The following GAS7 variants were observed in gnomAD, a reference collection of about 807,000 sequenced individuals.
The protein encoded by GAS7 is growth arrest specific 7, also known as growth arrest-specific protein 7.
GAS7 carries 28 observed loss-of-function variants against 71.1 expected under a neutral mutation model. The ratio of observed to expected loss-of-function variants is 0.39; its 90% CI spans 0.29 to 0.54. The LOEUF is 0.54. Ranked by LOEUF, GAS7 falls within the 20% of genes least tolerant of loss-of-function variation. The probability of loss-of-function intolerance (pLI) is 0.62; values close to 1 mark genes in which losing one functional copy is unlikely to be tolerated. For missense variants in GAS7, 436 were observed against 627.8 expected (o/e 0.69, Z 3.27); for synonymous variants, 258 against 245.8 (o/e 1.05, Z -0.46).
At chr17:10,039,697 A>AAATG in intron 1 of GAS7, 1 of 454,130 alleles carries the variant, frequency 2.2e-6, no homozygotes, top group South Asian at 1.6e-5. Context: ...ATAAATAAAT[A>AAATG]AATAAAGACG....
In GAS7 at chr17:9,969,903, G is replaced by C. The variant is rs2069888967; in HGVS notation, c.386-141C>G. 2 of 615,252 alleles carry C rather than the reference G, an allele frequency of 3.3e-6. No homozygotes were observed. The highest frequency in any genetic ancestry group is 3.7e-5 in the African/African-American group (2 of 54,488). The allele number at this position is 615,252 out of a possible 1,614,324, so 38.1% of individuals were successfully genotyped here. Reference sequence around the variant, plus strand: ...TGGCGAAGACCATCCCTCAGGATCTGATCTTATCTGTATCTGCAGAGCTGG... The same window carrying C: ...TGGCGAAGACCATCCCTCAGGATCTCATCTTATCTGTATCTGCAGAGCTGG... On this transcript the variant is annotated intron_variant, in intron 3 of 13. Coordinates refer to ENST00000432992, the MANE Select transcript of GAS7 (RefSeq NM_201433.2). The surrounding 1 kb of genome is among the most constrained non-coding windows in gnomAD (Gnocchi z 5.5).
chr17:9,977,138 C>A (rs1310792189), intron 3 of GAS7, among the ~76,000 whole-genome samples: 2 of 152,166 alleles, frequency 1.3e-5, no homozygotes, highest in Non-Finnish European at 2.9e-5. Context: ...ACAGAAGGCA[C>A]AGGAAGTTAC....
chr17:10,159,663 G>C (rs1426773495), intron 1 of GAS7, among the ~76,000 whole-genome samples: 1 of 152,164 alleles, frequency 6.6e-6, no homozygotes, highest in Non-Finnish European at 1.5e-5. Flanking sequence ...CTTTGGAAGA[G>C]AGTACTGACT....
rs138666204 is a variant in GAS7, at chr17:9,966,707, T to C, written c.471+2970A>G. 4.3e-3 allele frequency among the ~76,000 whole-genome samples: 662 copies of C among 152,190 alleles called. 5 individuals are homozygous for C. The highest frequency in any genetic ancestry group is 0.015 in the African/African-American group (612 of 41,522). On this transcript the variant is annotated intron_variant, in intron 4 of 13. Coordinates refer to ENST00000432992, the MANE Select transcript of GAS7 (RefSeq NM_201433.2). ...GCTCACAAACCAGGACAAAAAGTAG[T>C]AGCTAGCTGGGCGTGGTGGCCGGCG...
intron 1 of GAS7, among the ~76,000 whole-genome samples, chr17:10,167,276 C>T (rs918666680): frequency 6.6e-6 from 1 of 151,936 alleles, no homozygotes; most frequent in African/African-American, 2.4e-5. Context: ...AGGCTGTTCT[C>T]GAACTCCTGA....
chr17:10,000,161 T>A (rs564320243), intron 2 of GAS7, among the ~76,000 whole-genome samples: 10 of 152,340 alleles, frequency 6.6e-5, no homozygotes, highest in African/African-American at 1.9e-4. Context: ...AGCATCACAG[T>A]CCTCTGGAGG....
intron 1 of GAS7, among the ~76,000 whole-genome samples, chr17:10,131,140 T>C (rs1375495996): frequency 6.6e-6 from 1 of 152,162 alleles, no homozygotes; most frequent in Non-Finnish European, 1.5e-5. Context: ...ACCCAGAACT[T>C]TTCTTCCTCC....
chr17:10,045,619 C>T (rs1413687364), intron 1 of GAS7, among the ~76,000 whole-genome samples: 1 of 152,150 alleles, frequency 6.6e-6, no homozygotes, highest in Non-Finnish European at 1.5e-5. Flanking sequence ...ATTGCTTGAA[C>T]CCAGGAGACA....
At position 9,969,309 on chromosome 17, in the gene GAS7, G is replaced by T. The variant is rs184478708; in HGVS notation, c.471+368C>A. ...ATTCCATTCTGGGTAATCTGTCCGT[G>T]GGAGGGGTAGGGTAGAGAAAAGGAA... On this transcript the variant is annotated intron_variant, in intron 4 of 13. Transcript: ENST00000432992. The surrounding 1 kb of genome is among the most constrained non-coding windows in gnomAD (Gnocchi z 5.5). Among the ~76,000 whole-genome samples, 1 of 152,250 alleles carries T rather than the reference G, an allele frequency of 6.6e-6. No individual in the cohort carries two copies. The highest frequency in any genetic ancestry group is 1.9e-4 in the East Asian group (1 of 5,176).
intron 3 of GAS7, among the ~76,000 whole-genome samples, chr17:9,971,362 C>T (rs2069954293): frequency 6.6e-6 from 1 of 152,142 alleles, no homozygotes; most frequent in Non-Finnish European, 1.5e-5. Flanking sequence ...AGTTTAAGAT[C>T]AGCCCGGACA....
At chr17:10,156,364 C>T (rs1487192549) in intron 1 of GAS7, among the ~76,000 whole-genome samples, 3 of 152,224 alleles carry the variant, frequency 2.0e-5, no homozygotes. Flanking sequence ...CAAGATCCCC[C>T]ACCCCATATG....
chr17:10,107,943 C>T (rs370778077), intron 1 of GAS7, among the ~76,000 whole-genome samples: 28 of 152,120 alleles, frequency 1.8e-4, no homozygotes, highest in Non-Finnish European at 3.7e-4. Flanking sequence ...GCCTTACACA[C>T]AGTCCAGTGG....
chr17:10,128,200 G>C (rs555449180), intron 1 of GAS7, among the ~76,000 whole-genome samples: 1 of 152,348 alleles, frequency 6.6e-6, no homozygotes, highest in African/African-American at 2.4e-5. Flanking sequence ...GGGAGGTGGA[G>C]GCCACAGTGC....
intron 1 of GAS7, chr17:10,059,771 C>T (rs750097627): frequency 1.5e-5 from 15 of 984,558 alleles, no homozygotes; most frequent in African/African-American, 3.5e-5. Context: ...GCTGCTTCCC[C>T]GTGGCATCGG....
rs2069884544 is a variant in GAS7, at chr17:9,969,819, C to T, written c.386-57G>A. 9.5e-6 allele frequency: 11 copies of T among 1,162,032 alleles called. No homozygotes were observed. In the East Asian group the frequency reaches 1.9e-4, roughly 20 times the overall value. The allele number at this position is 1,162,032 out of a possible 1,614,324, so 72.0% of individuals were successfully genotyped here. A position where few individuals can be genotyped will look rare whatever the true frequency, so the allele number is the denominator to read the frequency against. ...TGTGGGCCACAGATGGGCACCCCCGCCTTTCGTCCACTGCAGCCCCTTTTC... is the reference window on the plus strand; with the variant it reads ...TGTGGGCCACAGATGGGCACCCCCGTCTTTCGTCCACTGCAGCCCCTTTTC... On this transcript the variant is annotated intron_variant, in intron 3 of 13. Coordinates refer to ENST00000432992, the MANE Select transcript of GAS7 (RefSeq NM_201433.2). This position sits in a 1 kb window ranked among gnomAD's most constrained non-coding sequence, Gnocchi z 5.5.
Position 9,959,100 on chromosome 17 carries a change from G to A in GAS7, c.525+102C>T. 1 of 1,394,200 alleles carries A rather than the reference G, an allele frequency of 7.2e-7. No individual in the cohort carries two copies. Among genetic ancestry groups the A allele is most frequent in the South Asian group, 1.4e-5 (1 of 71,424 alleles). 86.4% of individuals were successfully genotyped at this position (1,394,200 alleles called of 1,614,324 possible). A position where few individuals can be genotyped will look rare whatever the true frequency, so the allele number is the denominator to read the frequency against. ...TTTGGAACTTCCCCGTTTCCAGGTT[G>A]GGCATCACTTCTGCTTGGCGGTCCA... On this transcript the variant is annotated intron_variant, in intron 5 of 13. Coordinates refer to ENST00000432992, the MANE Select transcript of GAS7 (RefSeq NM_201433.2). The surrounding 1 kb of genome is among the most constrained non-coding windows in gnomAD (Gnocchi z 5.0).
At chr17:10,022,060 C>T (rs1190124404) in intron 1 of GAS7, among the ~76,000 whole-genome samples, 1 of 152,178 alleles carries the variant, frequency 6.6e-6, no homozygotes, top group East Asian at 1.9e-4. Context: ...GAGTTTGAGA[C>T]CAGCCTGGGC....
chr17:9,959,309 T>C lies in GAS7; in HGVS notation c.472-54A>G, dbSNP rs370662354. On this transcript the variant is annotated intron_variant, in intron 4 of 13. Coordinates refer to ENST00000432992, the MANE Select transcript of GAS7 (RefSeq NM_201433.2). This position sits in a 1 kb window ranked among gnomAD's most constrained non-coding sequence, Gnocchi z 5.0. Reference sequence around the variant, plus strand: ...AAGCTGTTCTCCATATTGGACATTTTTTCCCCCCATTCAGGTTCCCTGAGG... The same window carrying C: ...AAGCTGTTCTCCATATTGGACATTTCTTCCCCCCATTCAGGTTCCCTGAGG... 3.1e-6 allele frequency: 5 copies of C among 1,612,474 alleles called. No homozygotes were observed. Among genetic ancestry groups the C allele is most frequent in the Non-Finnish European group, 4.2e-6 (5 of 1,179,306 alleles).
chr17:10,043,713 G>A (rs985169654), intron 1 of GAS7, among the ~76,000 whole-genome samples: 1 of 152,152 alleles, frequency 6.6e-6, no homozygotes, highest in Non-Finnish European at 1.5e-5. Context: ...CCAGGAGTTC[G>A]AGACCAGCCT....
Sources: gnomAD v4.1 joint callset for allele counts (sites outside exome capture counted in the v4.1 genomes callset) on GRCh38, gnomAD v4.1.1 for gene constraint, Gnocchi (gnomAD v3.1) non-coding constraint, MANE v1.5 for transcripts, NCBI Gene and HGNC (gene_info 2026-07-23, HGNC 2026-07-21) for gene names.